The following EMILIN2 variants were observed in gnomAD, a reference collection of about 807,000 sequenced individuals.
The protein encoded by EMILIN2 is elastin microfibril interfacer 2.
Under a neutral mutation model 87.1 loss-of-function variants are expected in EMILIN2, and 71 were observed. The observed-to-expected ratio is 0.82, with a 90% CI of 0.67 to 0.99. The LOEUF is 0.99. EMILIN2 is among the 50% of genes least tolerant of loss of function. The pLI, the probability that EMILIN2 is intolerant of heterozygous loss-of-function variation, is 0.00. For synonymous variants in EMILIN2, 581 were observed against 563.4 expected, an observed-to-expected ratio of 1.03 and a Z score of -0.44; for missense variants, 1,407 against 1,371.8, an observed-to-expected ratio of 1.03 and a Z score of -0.40.
rs991916524 is a variant in EMILIN2, at chr18:2,880,957, C to T, written c.258-4007C>T. Among the ~76,000 whole-genome samples, 2 of 152,198 alleles carry T rather than the reference C, an allele frequency of 1.3e-5. No individual in the cohort carries two copies. Among genetic ancestry groups the T allele is most frequent in the African/African-American group, 4.8e-5 (2 of 41,446 alleles). ...GAAAATTCCTTGGCATTTTCTAAAG[C>T]TCACTAGCTATTTTCCTGCAGTGCC... On this transcript the variant is annotated intron_variant, in intron 2 of 7. Coordinates refer to ENST00000254528, the MANE Select transcript of EMILIN2 (RefSeq NM_032048.3). The surrounding 1 kb of genome is among the most constrained non-coding windows in gnomAD (Gnocchi z 4.1).
In EMILIN2 at chr18:2,871,530, G is replaced by A. The variant is rs544450415; in HGVS notation, c.258-13434G>A. 2.0e-5 allele frequency among the ~76,000 whole-genome samples: 3 copies of A among 152,366 alleles called. No homozygotes were observed. In the East Asian group the frequency reaches 5.8e-4, roughly 29 times the overall value. On this transcript the variant is annotated intron_variant, in intron 2 of 7. Transcript: ENST00000254528. ...AATGGAGGGGGATGCCCAGCTGGCA[G>A]TGGAGGGTGTGAGCATTGGGCCTGG...
At position 2,906,694 on chromosome 18, in the gene EMILIN2, C is replaced by A. The variant is rs571721953; in HGVS notation, c.2360-89C>A. 4 of 1,063,206 alleles carry A rather than the reference C, an allele frequency of 3.8e-6. No individual in the cohort carries two copies. In the Admixed American group the frequency reaches 1.8e-4, roughly 47 times the overall value. The allele number at this position is 1,063,206 out of a possible 1,614,324, so 65.9% of individuals were successfully genotyped here. A position where few individuals can be genotyped will look rare whatever the true frequency, so the allele number is the denominator to read the frequency against. ...GCAGAGTCCTCACGGGGACCCCGCT[C>A]GCCGGGACTCATGGAGGGGACCCTG... On this transcript the variant is annotated intron_variant, in intron 4 of 7. Transcript: ENST00000254528.
Position 2,891,786 on chromosome 18 carries a change from C to T in EMILIN2, c.1659C>T (p.Cys553=). ...KDKVQVVEDI[C]LLNIQGKPHG... is the part of the protein sequence containing the mutation. ...AAGTTCAAGTTGTTGAAGACATTTG[C>T]CTGCTGAACATCCAGGGAAAGCCTC... Residue 553 remains cysteine, a synonymous_variant, in exon 4 of 8, where the codon TGC becomes TGT. Transcript: ENST00000254528. This position sits in a 1 kb window ranked among gnomAD's most constrained non-coding sequence, Gnocchi z 4.6. 6.2e-7 allele frequency: 1 copy of T among 1,614,164 alleles called. No homozygotes were observed. The highest frequency in any genetic ancestry group is 8.5e-7 in the Non-Finnish European group (1 of 1,180,036).
Position 2,867,624 on chromosome 18 carries a change from C to A in EMILIN2, c.258-17340C>A, listed in dbSNP as rs1220169715. On this transcript the variant is annotated intron_variant, in intron 2 of 7. Transcript: ENST00000254528. Reference sequence around the variant, plus strand: ...TGCACCGCCCTTAATCCATTTAACCCTGAGTGGACACAGCACATGTTTCAG... The same window carrying A: ...TGCACCGCCCTTAATCCATTTAACCATGAGTGGACACAGCACATGTTTCAG... Among the ~76,000 whole-genome samples, 4 of 152,206 alleles carry A rather than the reference C, an allele frequency of 2.6e-5. No homozygotes were observed. The South Asian group carries it at 6.2e-4, about 24-fold the overall frequency.
At chr18:2,846,363 T>G (rs1245146854), upstream of EMILIN2, among the ~76,000 whole-genome samples, 1 of 152,086 alleles carries the variant, frequency 6.6e-6, no homozygotes, top group Non-Finnish European at 1.5e-5. The surrounding 1 kb of genome is among the most constrained non-coding windows in gnomAD (Gnocchi z 5.3). Context: ...TTTCAAGAAT[T>G]GGAGGAGAAT....
Position 2,913,325 on chromosome 18 carries a change from A to C in EMILIN2, c.3083A>C (p.Lys1028Thr), listed in dbSNP as rs1265010724. The C allele has an allele frequency of 3.7e-6, 6 of 1,613,078 alleles. No homozygotes were observed. Among genetic ancestry groups the C allele is most frequent in the Non-Finnish European group, 5.1e-6 (6 of 1,179,416 alleles). The change falls in exon 8 of 8, where the codon AAG (lysine) becomes ACG (threonine). Residue 1028 changes from lysine to threonine, a missense_variant. Transcript: ENST00000254528. Reference protein sequence around the residue: ...DAVNVVVTGGKLAHTDFDEMY... With the variant: ...DAVNVVVTGGTLAHTDFDEMY... ...GTCAACGTCGTGGTGACTGGGGGCA[A>C]GCTGGCTCACACAGACTTTGATGAA...
At position 2,890,613 on chromosome 18, in the gene EMILIN2, T is replaced by C. The variant is rs776325645; in HGVS notation, c.486T>C (p.Gly162=). 6 of 1,611,098 alleles carry C rather than the reference T, an allele frequency of 3.7e-6. No individual in the cohort carries two copies. The South Asian group carries it at 4.4e-5, about 12-fold the overall frequency. ...CCAGGAAGACTTTGTCCCCAACTGG[T>C]ACAGCACAACCAAGCTGGGGGGTAG... is the stretch of plus-strand genomic sequence containing the variant. ...SEPRKTLSPT[G]TAQPSWGVDP... is the part of the protein sequence containing the mutation. The change falls in exon 4 of 8, where the codon GGT becomes GGC. Residue 162 remains glycine, a synonymous_variant. Coordinates refer to ENST00000254528, the MANE Select transcript of EMILIN2 (RefSeq NM_032048.3). This position sits in a 1 kb window ranked among gnomAD's most constrained non-coding sequence, Gnocchi z 4.7.
chr18:2,913,182 G>A lies in EMILIN2; in HGVS notation c.2940G>A (p.Leu980=), dbSNP rs909790651. The A allele has an allele frequency of 2.5e-6, 4 of 1,613,858 alleles. No individual in the cohort carries two copies. Among genetic ancestry groups the A allele is most frequent in the Admixed American group, 3.3e-5 (2 of 59,994 alleles). ...TCTCCAACGCCAGCGTGGCCCAGCT[G>A]CATACCGCTGGGTACAGGAGAGAGT... ...LSVSNASVAQ[L]HTAGYRREFL... is the part of the protein sequence containing the mutation. The change falls in exon 8 of 8, where the codon CTG becomes CTA. Residue 980 remains leucine (L), a synonymous_variant. Coordinates refer to ENST00000254528, the MANE Select transcript of EMILIN2 (RefSeq NM_032048.3).
intron 2 of EMILIN2, among the ~76,000 whole-genome samples, chr18:2,879,672 A>C (rs1357333682): frequency 1.3e-5 from 2 of 150,662 alleles, no homozygotes; most frequent in African/African-American, 2.4e-5. Context: ...CCTGCCCCCA[A>C]CACCCCCCCC....
At chr18:2,876,939 A>G (rs1395354259) in intron 2 of EMILIN2, among the ~76,000 whole-genome samples, 1 of 152,212 alleles carries the variant, frequency 6.6e-6, no homozygotes, top group African/African-American at 2.4e-5. Context: ...AATATTTCAC[A>G]TTTCTTTGCT....
At chr18:2,903,132 AAG>A (rs1310412738) in intron 4 of EMILIN2, among the ~76,000 whole-genome samples, 1 of 151,510 alleles carries the variant, frequency 6.6e-6, no homozygotes, top group East Asian at 2.0e-4. Context: ...AGAGGTTGAG[AAG>A]AGAGAGGAGT....
At chr18:2,888,227 AGTATTTTGATACAT>A (rs2076812395) in intron 3 of EMILIN2, among the ~76,000 whole-genome samples, 1 of 152,208 alleles carries the variant, frequency 6.6e-6, no homozygotes, top group Non-Finnish European at 1.5e-5. Context: ...AAAGATTCTG[AGTATTTTGATACAT>A]GTTGCCAAAT....
chr18:2,908,859 A>G, intron 5 of EMILIN2, 84 bp from the exon 6 acceptor site: 1 of 1,521,460 alleles, frequency 6.6e-7, no homozygotes, highest in Admixed American at 1.7e-5. Context: ...TGAACTTGTG[A>G]GGAGCAGAGG....
At chr18:2,882,785 A>C (rs1281825360) in intron 2 of EMILIN2, among the ~76,000 whole-genome samples, 1 of 151,944 alleles carries the variant, frequency 6.6e-6, no homozygotes, top group Non-Finnish European at 1.5e-5. Flanking sequence ...TGGGAGGCTG[A>C]GGCAGGCGAA....
chr18:2,861,908 T>C (rs966372125), intron 2 of EMILIN2, among the ~76,000 whole-genome samples: 11 of 152,324 alleles, frequency 7.2e-5, no homozygotes, highest in African/African-American at 2.4e-4. Context: ...TTTTATTTCA[T>C]TGAGCAGTGG....
At chr18:2,889,133 C>CTTTTTTTTTTTTTT (rs772439545) in intron 3 of EMILIN2, among the ~76,000 whole-genome samples, 102 of 84,348 alleles carry the variant, frequency 1.2e-3, no homozygotes, top group East Asian at 2.6e-3. Flanking sequence ...TCTTTCTTTT[C>CTTTTTTTTTTTTTT]TTTTTTTTTT....
At chr18:2,895,923 C>G (rs930386279) in intron 4 of EMILIN2, among the ~76,000 whole-genome samples, 2 of 152,120 alleles carry the variant, frequency 1.3e-5, no homozygotes, top group Admixed American at 6.5e-5. Context: ...TGGTTTTGGA[C>G]CAGTAAGCAG....
Position 2,907,049 on chromosome 18 carries a change from ACCGTC to A in EMILIN2, c.2629_2633del (p.Val877ArgfsTer42). On this transcript the variant is annotated frameshift_variant, in exon 5 of 8. Transcript: ENST00000254528. LOFTEE classifies it high-confidence loss of function. ...CGTGGACGGCCAGACCGGGAGCGGC[ACCGTC>A]CCCGGCGCAGAAGGCTTCGCGGGCG... 4.7e-6 allele frequency: 6 copies of A among 1,275,958 alleles called. No homozygotes were observed. Among genetic ancestry groups the A allele is most frequent in the Non-Finnish European group, 9.8e-7 (1 of 1,015,680 alleles). 79.0% of individuals were successfully genotyped at this position (1,275,958 alleles called of 1,614,324 possible).
rs139885592 is a variant in EMILIN2, at chr18:2,898,286, G to A, written c.2359+5800G>A. 2.6e-5 allele frequency among the ~76,000 whole-genome samples: 4 copies of A among 152,352 alleles called. 1 individual carries two copies. The highest frequency in any genetic ancestry group is 9.6e-5 in the African/African-American group (4 of 41,592). ...GGTGACCAGCAGAGGCTGACTCCCT[G>A]CCTGGGACCCAGGACTAGCCCGGCC... On this transcript the variant is annotated intron_variant, in intron 4 of 7. Transcript: ENST00000254528.
Sources: allele counts gnomAD v4.1 joint callset (sites outside exome capture counted in the v4.1 genomes callset), GRCh38; gene constraint gnomAD v4.1.1; non-coding constraint Gnocchi (gnomAD v3.1); transcripts MANE v1.5; gene names NCBI Gene and HGNC (gene_info 2026-07-23, HGNC 2026-07-21).